Variants in ZNF254 observed in about 807,000 individuals in gnomAD.
The protein encoded by ZNF254 is zinc finger protein 254.
A neutral mutation model predicts 12.4 loss-of-function variants in ZNF254; 10 were observed. The ratio of observed to expected loss-of-function variants is 0.80; its 90% CI spans 0.50 to 1.36. The LOEUF is 1.36. ZNF254 is among the 40% of genes most tolerant of loss of function. The pLI is 0.00. For missense variants in ZNF254, 996 were observed against 763.9 expected (o/e 1.30, Z -3.58); for synonymous variants, 305 against 253.4 (o/e 1.20, Z -1.93).
intron 3 of ZNF254, among the ~76,000 whole-genome samples, chr19:24,113,134 C>T (rs1347063886): frequency 6.6e-6 from 1 of 152,176 alleles, no homozygotes; most frequent in Non-Finnish European, 1.5e-5. Flanking sequence ...CCTTCTGAAA[C>T]TATTCCAATC....
At position 24,127,420 on chromosome 19, in the gene ZNF254, T is replaced by G. The variant is rs1466427136; in HGVS notation, c.1420T>G (p.Ser474Ala). Residue 474 changes from serine (S) to alanine (A), a missense_variant, in exon 4 of 4, where the codon TCC (serine) becomes GCC (alanine). By Grantham distance (99) the Ser-to-Ala change is moderately conservative. Transcript: ENST00000357002. ...CEECGKAFIWSSTLTRHKRMH... is the reference protein window; with the variant it reads ...CEECGKAFIWASTLTRHKRMH... ...AGAATGTGGCAAGGCATTTATATGG[T>G]CCTCAACCCTAACTAGACATAAGAG... The G allele has an allele frequency of 6.2e-7, 1 of 1,612,024 alleles. No homozygotes were observed.
At chr19:24,072,299 G>A (rs1397271865) in intron 2 of ZNF254, among the ~76,000 whole-genome samples, 2 of 151,880 alleles carry the variant, frequency 1.3e-5, no homozygotes, top group Non-Finnish European at 2.9e-5. Flanking sequence ...AGCCTCCCGA[G>A]TAGCTGGGGT....
chr19:24,054,912 T>C (rs942073150), intron 2 of ZNF254, among the ~76,000 whole-genome samples: 1 of 152,070 alleles, frequency 6.6e-6, no homozygotes, highest in Non-Finnish European at 1.5e-5. Context: ...CTTTGAGTAG[T>C]ATAGTGTACT....
intron 1 of ZNF254, among the ~76,000 whole-genome samples, chr19:24,088,906 A>T (rs978537693): frequency 1.8e-4 from 27 of 149,550 alleles, no homozygotes; most frequent in African/African-American, 6.7e-4. Flanking sequence ...ATCCGCCTGC[A>T]TCAGCCTCCC....
At chr19:24,076,352 A>G (rs940578272) in intron 2 of ZNF254, among the ~76,000 whole-genome samples, 2 of 152,240 alleles carry the variant, frequency 1.3e-5, no homozygotes, top group South Asian at 4.1e-4. Context: ...GGCTTCAGCC[A>G]GTCCCTCCGT....
intron 2 of ZNF254, among the ~76,000 whole-genome samples, chr19:24,056,058 A>G (rs1599606950): frequency 6.6e-6 from 1 of 152,234 alleles, no homozygotes; most frequent in African/African-American, 2.4e-5. Context: ...CCCAGAACTG[A>G]GGGGATGTGA....
chr19:24,121,583 GT>G (rs1974487592), intron 3 of ZNF254, among the ~76,000 whole-genome samples: 1 of 151,968 alleles, frequency 6.6e-6, no homozygotes, highest in African/African-American at 2.4e-5. Flanking sequence ...TTGAGACAGA[GT>G]TTTGCTCTTC....
intron 3 of ZNF254, among the ~76,000 whole-genome samples, chr19:24,115,458 G>A (rs111994904): frequency 1.3e-5 from 1 of 75,894 alleles, no homozygotes; most frequent in Non-Finnish European, 2.4e-5. Flanking sequence ...TCCCACTCAT[G>A]GGGGGAATTG....
At chr19:24,096,124 G>T (rs1972658109) in intron 1 of ZNF254, among the ~76,000 whole-genome samples, 1 of 148,834 alleles carries the variant, frequency 6.7e-6, no homozygotes, top group African/African-American at 2.5e-5. Flanking sequence ...CAATGGCACA[G>T]TCTCAACTCA....
Position 24,049,209 on chromosome 19 carries a change from TATA to T in ZNF254, c.-94+2931_-94+2933del, listed in dbSNP as rs1200204995. Among the ~76,000 whole-genome samples, 17 of 60,042 alleles carry T rather than the reference TATA, an allele frequency of 2.8e-4. No individual in the cohort carries two copies. In the South Asian group the frequency reaches 3.3e-3, roughly 12 times the overall value. 39.4% of individuals were successfully genotyped at this position (60,042 alleles called of 152,430 possible). On this transcript the variant is annotated intron_variant, in intron 2 of 4. Coordinates refer to the ZNF254 transcript ENST00000613065. ...TTATATATATATATATATATATATATATATATTTTTTTTTTTTTTTTAATTTAT... is the reference window on the plus strand; with the variant it reads ...TTATATATATATATATATATATATATTATTTTTTTTTTTTTTTTAATTTAT...
intron 2 of ZNF254, among the ~76,000 whole-genome samples, chr19:24,048,170 G>A (rs1970480156): frequency 6.6e-6 from 1 of 152,016 alleles, no homozygotes; most frequent in South Asian, 2.1e-4. Context: ...GTGACCAGAT[G>A]TGGGCTGAGC....
chr19:24,105,970 G>T lies in ZNF254; in HGVS notation c.61G>T (p.Glu21Ter). The T allele has an allele frequency of 6.3e-7, 1 of 1,598,584 alleles. No homozygotes were observed. The highest frequency in any genetic ancestry group is 8.5e-7 in the Non-Finnish European group (1 of 1,170,618). Reference sequence around the variant, plus strand: ...GTTGACATTTAGGGATGTGGCCATAGAATTCTCTCTGGAGGAGTGGCAACA... The same window carrying T: ...GTTGACATTTAGGGATGTGGCCATATAATTCTCTCTGGAGGAGTGGCAACA... ...GLLTFRDVAI[E>*]FSLEEWQHLD... The change falls in exon 2 of 4, where the codon GAA becomes TAA. Residue 21 changes from glutamate (E) to a stop codon, truncating the protein, a stop_gained. Coordinates refer to ENST00000357002, the MANE Select transcript of ZNF254 (RefSeq NM_203282.4). LOFTEE classifies it high-confidence loss of function.
At chr19:24,036,125 G>T (rs755922706) in intron 1 of ZNF254, among the ~76,000 whole-genome samples, 3 of 152,062 alleles carry the variant, frequency 2.0e-5, no homozygotes, top group African/African-American at 4.8e-5. Flanking sequence ...GCAGTGGCGC[G>T]ATCTTGGCTC....
intron 3 of ZNF254, among the ~76,000 whole-genome samples, chr19:24,116,103 A>G (rs1341880344): frequency 1.3e-5 from 2 of 152,086 alleles, no homozygotes; most frequent in African/African-American, 4.8e-5. Flanking sequence ...GGGTAGTCCG[A>G]CCTTTCTCTC....
Position 24,127,703 on chromosome 19 carries a change from A to G in ZNF254, c.1703A>G (p.His568Arg). 1.9e-6 allele frequency: 3 copies of G among 1,613,436 alleles called. No individual in the cohort carries two copies. Among genetic ancestry groups the G allele is most frequent in the Non-Finnish European group, 2.5e-6 (3 of 1,179,726 alleles). ...SSILTNHKRI[H>R]TGEKPYKCEE... ...ATCCTTACTAACCATAAGAGAATTCATACTGGAGAGAAACCCTATAAATGT... is the reference window on the plus strand; with the variant it reads ...ATCCTTACTAACCATAAGAGAATTCGTACTGGAGAGAAACCCTATAAATGT... The change falls in exon 4 of 4, where the codon CAT (histidine) becomes CGT (arginine). Residue 568 changes from histidine to arginine, a missense_variant. Physicochemically the swap from His to Arg is conservative, Grantham distance 29. Transcript: ENST00000357002.
intron 1 of ZNF254, 51 bp from the exon 2 acceptor site, chr19:24,105,889 A>G (rs570519189): frequency 6.4e-7 from 1 of 1,555,900 alleles, no homozygotes; most frequent in East Asian, 2.4e-5. Context: ...CAAATGAAAA[A>G]TTCTGCCGAT....
At chr19:24,091,583 C>T (rs1033913954) in intron 1 of ZNF254, among the ~76,000 whole-genome samples, 1 of 152,070 alleles carries the variant, frequency 6.6e-6, no homozygotes, top group African/African-American at 2.4e-5. Flanking sequence ...ACCTCCAATT[C>T]CCAGGTTCAA....
rs756986693 is a variant in ZNF254, at chr19:24,127,066, G to C, written c.1066G>C (p.Gly356Arg). The change falls in exon 4 of 4, where the codon GGC becomes CGC. Residue 356 changes from glycine to arginine, a missense_variant. Transcript: ENST00000357002. The stretch of plus-strand genomic sequence containing the variant: ...GAAACCCTACAAATGTGAAGAATGT[G>C]GCAAAGCTTTTAGCCAGTCCTCAAC... ...GEKPYKCEEC[G>R]KAFSQSSTLT... 4.5e-5 allele frequency: 72 copies of C among 1,613,038 alleles called. No individual in the cohort carries two copies. The East Asian group carries it at 1.1e-3, about 24-fold the overall frequency.
intron 2 of ZNF254, among the ~76,000 whole-genome samples, chr19:24,059,725 C>T (rs984295482): frequency 5.9e-5 from 9 of 152,152 alleles, no homozygotes; most frequent in African/African-American, 1.9e-4. Context: ...TTTCATCACC[C>T]AAGTGGTGTG....
Sources: gnomAD v4.1 joint callset for allele counts (sites outside exome capture counted in the v4.1 genomes callset) on GRCh38, gnomAD v4.1.1 for gene constraint, MANE v1.5 for transcripts, NCBI Gene and HGNC (gene_info 2026-07-23, HGNC 2026-07-21) for gene names.